The following ACOT7 variants were observed in gnomAD, a reference collection of about 807,000 sequenced individuals.
ACOT7 encodes the protein acyl-CoA thioesterase 7.
ACOT7 carries 12 observed loss-of-function variants against 40.2 expected under a neutral mutation model. The observed-to-expected ratio is 0.30, with a 90% CI of 0.19 to 0.48. The LOEUF (loss-of-function observed/expected upper bound fraction) is 0.48, where lower values mean the gene tolerates loss of function less well. Ranked by LOEUF, ACOT7 falls within the 20% of genes least tolerant of loss-of-function variation. ACOT7 has a pLI of 0.99. For synonymous variants in ACOT7, 228 were observed against 219.5 expected (o/e 1.04, Z -0.34); for missense variants, 395 against 530.8 (o/e 0.74, Z 2.51).
In ACOT7 at chr1:6,330,340, G is replaced by A. The variant is rs1414417491; in HGVS notation, c.511-2927C>T. Among the ~76,000 whole-genome samples the A allele has an allele frequency of 6.6e-6, 1 of 152,134 alleles. No homozygotes were observed. The highest frequency in any genetic ancestry group is 1.5e-5 in the Non-Finnish European group (1 of 68,024). ...TTCTGGGATTCCTAAGCAGGCCTCT[G>A]GCCGGGCCCACCAGTGAAAAACAGG... On this transcript the variant is annotated intron_variant, in intron 4 of 8. Transcript: ENST00000361521. This position sits in a 1 kb window ranked among gnomAD's most constrained non-coding sequence, Gnocchi z 4.6.
In ACOT7 at chr1:6,278,083, G is replaced by A. The variant is rs928456150; in HGVS notation, c.1014+3019C>T. Among the ~76,000 whole-genome samples, 36 of 152,098 alleles carry A rather than the reference G, an allele frequency of 2.4e-4. No homozygotes were observed. Among genetic ancestry groups the A allele is most frequent in the African/African-American group, 7.7e-4 (32 of 41,454 alleles). ...CAGTCCACGCAGCGTCTGCAGTGGC[G>A]GGGGGTGGTTGGGAGGGGGTCTGGG... On this transcript the variant is annotated intron_variant, in intron 8 of 8. Transcript: ENST00000361521. The surrounding 1 kb of genome is among the most constrained non-coding windows in gnomAD (Gnocchi z 4.1).
intron 6 of ACOT7, among the ~76,000 whole-genome samples, chr1:6,315,041 G>T (rs1220598520): frequency 6.6e-6 from 1 of 152,140 alleles, no homozygotes; most frequent in African/African-American, 2.4e-5. Flanking sequence ...ATGCAACCAG[G>T]AAAGCAGCAG....
At chr1:6,342,365 C>T (rs1227400580) in intron 2 of ACOT7, among the ~76,000 whole-genome samples, 1 of 152,192 alleles carries the variant, frequency 6.6e-6, no homozygotes, top group Non-Finnish European at 1.5e-5. Context: ...AATTTCAACA[C>T]ATGAGAGACA....
In ACOT7 at chr1:6,268,317, C is replaced by T. The variant is rs188030393; in HGVS notation, c.1015-3622G>A. ...GTGGGGGAGTAGTCAGGGCTGTCAA[C>T]GCATAAGACTGGCCCTGAGCTAATA... On this transcript the variant is annotated intron_variant, in intron 8 of 8. Transcript: ENST00000361521. Among the ~76,000 whole-genome samples the T allele has an allele frequency of 2.4e-4, 37 of 152,250 alleles. No homozygotes were observed. The East Asian group carries it at 5.8e-3, about 24-fold the overall frequency.
At chr1:6,280,046 C>G (rs1639309375) in intron 8 of ACOT7, among the ~76,000 whole-genome samples, 1 of 152,230 alleles carries the variant, frequency 6.6e-6, no homozygotes, top group Non-Finnish European at 1.5e-5. Flanking sequence ...GCGTGGGGAG[C>G]AGACGCCGCG....
intron 8 of ACOT7, among the ~76,000 whole-genome samples, chr1:6,270,806 G>T (rs1045490506): frequency 6.6e-6 from 1 of 152,238 alleles, no homozygotes; most frequent in Non-Finnish European, 1.5e-5. Context: ...CTGAGGCCAA[G>T]TGCAGCCTGG....
chr1:6,365,138 T>C (rs1002135660), intron 1 of ACOT7, among the ~76,000 whole-genome samples: 2 of 152,168 alleles, frequency 1.3e-5, no homozygotes, highest in Non-Finnish European at 2.9e-5. Flanking sequence ...CAAGTCCATG[T>C]TTATAAACTT....
rs552849180 is a variant in ACOT7, at chr1:6,299,407, G to T, written c.713-4427C>A. Among the ~76,000 whole-genome samples, 10 of 152,204 alleles carry T rather than the reference G, an allele frequency of 6.6e-5. No individual in the cohort carries two copies. Among genetic ancestry groups the T allele is most frequent in the Non-Finnish European group, 1.3e-4 (9 of 68,038 alleles). ...ACTCAGAACACCAGGTAACATGCTG[G>T]CTGAGAACCCCACACACTTGGCTCA... On this transcript the variant is annotated intron_variant, in intron 6 of 8. Transcript: ENST00000361521. The surrounding 1 kb of genome is among the most constrained non-coding windows in gnomAD (Gnocchi z 4.1).
chr1:6,276,625 G>T (rs1161287044), intron 8 of ACOT7, among the ~76,000 whole-genome samples: 1 of 151,950 alleles, frequency 6.6e-6, no homozygotes, highest in Non-Finnish European at 1.5e-5. Context: ...AGGAGGGGCC[G>T]CCAGGGCACA....
At chr1:6,374,312 A>AG (rs918190180) in intron 1 of ACOT7, among the ~76,000 whole-genome samples, 2 of 152,230 alleles carry the variant, frequency 1.3e-5, no homozygotes, top group African/African-American at 2.4e-5. Flanking sequence ...CACTGGTTAA[A>AG]GCCCTCCCAC....
At chr1:6,377,404 CTT>C (rs962549108) in intron 1 of ACOT7, among the ~76,000 whole-genome samples, 9 of 151,992 alleles carry the variant, frequency 5.9e-5, no homozygotes, top group African/African-American at 2.2e-4. Context: ...TATGTAAAAA[CTT>C]AGTAGGTACA....
intron 1 of ACOT7, chr1:6,385,550 G>A: frequency 6.2e-7 from 1 of 1,612,286 alleles, no homozygotes; most frequent in Non-Finnish European, 8.5e-7. Context: ...CAACCACCTG[G>A]ACGGGAGCGC....
rs376803057 is a variant in ACOT7 at position 6,368,638 on chromosome 1, A to C, written c.144-18772T>G. Among the ~76,000 whole-genome samples the C allele has an allele frequency of 3.9e-5, 6 of 152,048 alleles. No individual in the cohort carries two copies. The East Asian group carries it at 5.8e-4, about 15-fold the overall frequency. On this transcript the variant is annotated intron_variant, in intron 1 of 8. Coordinates refer to ENST00000361521, the MANE Select transcript of ACOT7 (RefSeq NM_007274.4). The stretch of plus-strand genomic sequence containing the variant: ...CAGGGGTAGACTCCAGGGACTGACT[A>C]TTTCCTCTGCACACCCCTCCCCACA...
At chr1:6,292,777 C>T (rs1354826957) in intron 7 of ACOT7, among the ~76,000 whole-genome samples, 1 of 150,942 alleles carries the variant, frequency 6.6e-6, no homozygotes, top group Non-Finnish European at 1.5e-5. Flanking sequence ...CACCTCCTGG[C>T]TTCAAGCGAT....
Position 6,306,035 on chromosome 1 carries a change from G to A in ACOT7, c.713-11055C>T, listed in dbSNP as rs1229181928. ...AACCCCGTCTCCACCAAAAAAATAC[G>A]AAAACCAGTCAGGCGTGGCGGCGCG... On this transcript the variant is annotated intron_variant, in intron 6 of 8. Coordinates refer to ENST00000361521, the MANE Select transcript of ACOT7 (RefSeq NM_007274.4). This position sits in a 1 kb window ranked among gnomAD's most constrained non-coding sequence, Gnocchi z 4.3. 6.6e-6 allele frequency among the ~76,000 whole-genome samples: 1 copy of A among 152,032 alleles called. No individual in the cohort carries two copies. Among genetic ancestry groups the A allele is most frequent in the Non-Finnish European group, 1.5e-5 (1 of 67,974 alleles).
intron 3 of ACOT7, among the ~76,000 whole-genome samples, chr1:6,335,327 CAAAAAAA>C (rs58439931): frequency 5.1e-5 from 3 of 58,348 alleles, no homozygotes; most frequent in Admixed American, 1.9e-4. Context: ...AACTCTGCCT[CAAAAAAA>C]AAAAAAAAAA....
intron 6 of ACOT7, among the ~76,000 whole-genome samples, chr1:6,314,133 T>G (rs758365782): frequency 2.0e-5 from 3 of 152,188 alleles, no homozygotes; most frequent in Non-Finnish European, 2.9e-5. Context: ...CTTACAGAGC[T>G]GCTGGAGGGC....
At chr1:6,285,249 T>C (rs1639470762) in intron 7 of ACOT7, among the ~76,000 whole-genome samples, 2 of 152,298 alleles carry the variant, frequency 1.3e-5, no homozygotes, top group South Asian at 4.1e-4. Flanking sequence ...AGCCCCAGGT[T>C]TGCATCCTCC....
In ACOT7 at chr1:6,359,046, A is replaced by G; in HGVS notation, c.144-9180T>C. ...CGCCAATCCAGAGCGTCTACCAGAA[A>G]CCGGTCGTCATGGAAACCTTGCTTT... On this transcript the variant is annotated intron_variant, in intron 1 of 8. Coordinates refer to ENST00000361521, the MANE Select transcript of ACOT7 (RefSeq NM_007274.4). The surrounding 1 kb of genome is among the most constrained non-coding windows in gnomAD (Gnocchi z 4.1). The G allele has an allele frequency of 2.7e-6, 2 of 728,396 alleles. No homozygotes were observed. The highest frequency in any genetic ancestry group is 4.9e-5 in the South Asian group (2 of 41,172). The allele number at this position is 728,396 out of a possible 1,614,324, so 45.1% of individuals were successfully genotyped here. A position where few individuals can be genotyped will look rare whatever the true frequency, so the allele number is the denominator to read the frequency against.
Sources: allele counts gnomAD v4.1 joint callset (sites outside exome capture counted in the v4.1 genomes callset), GRCh38; gene constraint gnomAD v4.1.1; non-coding constraint Gnocchi (gnomAD v3.1); transcripts MANE v1.5; gene names NCBI Gene and HGNC (gene_info 2026-07-23, HGNC 2026-07-21).